Variants in CBLN2 observed in about 807,000 individuals in gnomAD.
The protein encoded by CBLN2 is cerebellin 2 precursor, also known as cerebellin-2.
A neutral mutation model predicts 15.0 loss-of-function variants in CBLN2; 7 were observed. The ratio of observed to expected loss-of-function variants is 0.47; its 90% CI spans 0.27 to 0.88. The LOEUF is 0.88. Among genes scored for constraint, CBLN2 ranks in the 40% least tolerant of loss-of-function variants. The pLI, the probability that CBLN2 is intolerant of heterozygous loss-of-function variation, is 0.14. For missense variants in CBLN2, 242 were observed against 304.5 expected, an observed-to-expected ratio of 0.79 and a Z score of 1.53; for synonymous variants, 149 against 135.2, an observed-to-expected ratio of 1.10 and a Z score of -0.71.
At chr18:72,610,039 C>A (rs547352545) in intron 1 of CBLN2, among the ~76,000 whole-genome samples, 1 of 152,308 alleles carries the variant, frequency 6.6e-6, no homozygotes, top group East Asian at 1.9e-4. Flanking sequence ...AGCTGGTTGT[C>A]AACCCAGGGC....
At chr18:72,596,795 C>A (rs1379325023) in intron 1 of CBLN2, among the ~76,000 whole-genome samples, 6 of 152,160 alleles carry the variant, frequency 3.9e-5, no homozygotes, top group Non-Finnish European at 7.4e-5. Context: ...AGATGTATTG[C>A]AGCTCCATTG....
intron 1 of CBLN2, among the ~76,000 whole-genome samples, chr18:72,624,334 A>G (rs186451378): frequency 2.0e-3 from 297 of 152,054 alleles, no homozygotes; most frequent in South Asian, 2.3e-3. Flanking sequence ...CTCTTCGTTG[A>G]GATGTTTCAC....
In CBLN2 at chr18:72,554,992, C is replaced by T. The variant is rs540735242; in HGVS notation, c.16-16220G>A. ...CTCTATTAAAAATACAAAAATTAGCCAGCATGGTGGCACGTGCCTGTAATC... is the reference window on the plus strand; with the variant it reads ...CTCTATTAAAAATACAAAAATTAGCTAGCATGGTGGCACGTGCCTGTAATC... On this transcript the variant is annotated intron_variant, in intron 1 of 2. Transcript: ENST00000581073. Among the ~76,000 whole-genome samples the T allele has an allele frequency of 1.4e-3, 217 of 152,034 alleles. 1 individual carries two copies. Among genetic ancestry groups the T allele is most frequent in the African/African-American group, 4.9e-3 (205 of 41,476 alleles).
chr18:72,610,520 A>G (rs1192886071), intron 1 of CBLN2, among the ~76,000 whole-genome samples: 1 of 152,058 alleles, frequency 6.6e-6, no homozygotes, highest in East Asian at 1.9e-4. Flanking sequence ...ATTTACCTCC[A>G]TTGGAATGTA....
chr18:72,553,405 A>G (rs1024571381), intron 1 of CBLN2, among the ~76,000 whole-genome samples: 33 of 152,272 alleles, frequency 2.2e-4, no homozygotes, highest in African/African-American at 7.9e-4. Context: ...ATAGCTCAGG[A>G]AAAATAGTAA....
In CBLN2 at chr18:72,544,334, C is replaced by T. The variant is rs2069142334; in HGVS notation, c.-569G>A. ...GGGTCTGTGTGTCTGCTCCTCTGGA[C>T]CTCGGACTGGTGGAGCGGCTGGCGC... On this transcript the variant is annotated 5_prime_UTR_variant, in exon 1 of 5. Coordinates refer to ENST00000269503, the MANE Select transcript of CBLN2 (RefSeq NM_182511.4). The T allele has an allele frequency of 6.6e-6, 1 of 152,224 alleles. No homozygotes were observed. Among genetic ancestry groups the T allele is most frequent in the African/African-American group, 2.4e-5 (1 of 41,464 alleles). The allele number at this position is 152,224 out of a possible 1,614,324, so 9.4% of individuals were successfully genotyped here.
chr18:72,597,701 T>C (rs1268329821), intron 1 of CBLN2, among the ~76,000 whole-genome samples: 1 of 152,138 alleles, frequency 6.6e-6, no homozygotes, highest in Admixed American at 6.5e-5. Flanking sequence ...TCAGAAACCT[T>C]TGGGATCTAC....
chr18:72,581,707 C>T lies in CBLN2; in HGVS notation c.16-42935G>A, dbSNP rs1016624411. On this transcript the variant is annotated intron_variant, in intron 1 of 2. Coordinates refer to the CBLN2 transcript ENST00000581073. ...CTCTTTAATGTCGAATTTTGGTTTA[C>T]ATTTAGAGATGTTACATTTAATGCC... Among the ~76,000 whole-genome samples the T allele has an allele frequency of 3.3e-5, 5 of 152,290 alleles. No homozygotes were observed. The East Asian group carries it at 7.7e-4, about 24-fold the overall frequency.
upstream of CBLN2, among the ~76,000 whole-genome samples, chr18:72,546,591 T>G (rs553190811): frequency 6.6e-6 from 1 of 152,370 alleles, no homozygotes; most frequent in East Asian, 1.9e-4. Context: ...TCCATGTTAA[T>G]AATTGTTGCT....
chr18:72,604,918 G>A (rs974498237), intron 1 of CBLN2, among the ~76,000 whole-genome samples: 2 of 152,154 alleles, frequency 1.3e-5, no homozygotes, highest in Non-Finnish European at 2.9e-5. Flanking sequence ...TTTCAATCTG[G>A]CTAGACCAGG....
chr18:72,537,854 AC>A lies in CBLN2; in HGVS notation c.*321del, dbSNP rs1450189325. Reference sequence around the variant, plus strand: ...GTTGGGACGACAATACAACATACAAACAAAAGAGGTCCATGGTCCCAACAAT... The same window carrying A: ...GTTGGGACGACAATACAACATACAAAAAAAGAGGTCCATGGTCCCAACAAT... On this transcript the variant is annotated 3_prime_UTR_variant, in exon 5 of 5. Coordinates refer to ENST00000269503, the MANE Select transcript of CBLN2 (RefSeq NM_182511.4). 1.6e-5 allele frequency: 6 copies of A among 373,198 alleles called. No homozygotes were observed. The highest frequency in any genetic ancestry group is 5.2e-5 in the South Asian group (2 of 38,490). The allele number at this position is 373,198 out of a possible 1,614,324, so 23.1% of individuals were successfully genotyped here.
intron 1 of CBLN2, among the ~76,000 whole-genome samples, chr18:72,595,798 A>AT (rs996276167): frequency 2.6e-5 from 4 of 151,392 alleles, no homozygotes; most frequent in South Asian, 2.1e-4. Flanking sequence ...CTTTTCATAG[A>AT]TTTTGTCTTG....
At chr18:72,607,810 C>G (rs1423668282) in intron 1 of CBLN2, among the ~76,000 whole-genome samples, 1 of 152,062 alleles carries the variant, frequency 6.6e-6, no homozygotes, top group Admixed American at 6.6e-5. Flanking sequence ...GTAGTCTACA[C>G]CCCTAATCAG....
At chr18:72,558,602 C>A (rs1462329910) in intron 1 of CBLN2, among the ~76,000 whole-genome samples, 1 of 152,176 alleles carries the variant, frequency 6.6e-6, no homozygotes, top group Admixed American at 6.5e-5. Context: ...CTTCACTCCC[C>A]ATAAATTGTG....
At chr18:72,561,194 A>T (rs1008292043) in intron 1 of CBLN2, among the ~76,000 whole-genome samples, 2 of 151,156 alleles carry the variant, frequency 1.3e-5, no homozygotes, top group African/African-American at 2.4e-5. Flanking sequence ...AGTTAAAAAA[A>T]CAGTAAACTT....
intron 1 of CBLN2, among the ~76,000 whole-genome samples, chr18:72,613,701 A>T (rs964720187): frequency 1.1e-4 from 17 of 152,158 alleles, no homozygotes; most frequent in African/African-American, 3.9e-4. Context: ...GAATGCAGAA[A>T]ATCACCTATT....
At chr18:72,592,842 G>A (rs1379196773) in intron 1 of CBLN2, among the ~76,000 whole-genome samples, 2 of 151,942 alleles carry the variant, frequency 1.3e-5, no homozygotes, top group Non-Finnish European at 2.9e-5. Context: ...CTGTTCTATT[G>A]GTCTTTGTAC....
At chr18:72,619,679 A>T (rs954166313) in intron 1 of CBLN2, among the ~76,000 whole-genome samples, 24 of 152,312 alleles carry the variant, frequency 1.6e-4, no homozygotes, top group African/African-American at 5.5e-4. Context: ...ATTTATGAAA[A>T]CAAAGGTTTC....
chr18:72,543,108 GACCACGGGGATT>G lies in CBLN2; in HGVS notation c.-167+366_-167+377del, dbSNP rs1399666242. ...GGTTATTCTCCAGCTCTGGTTTCCA[GACCACGGGGATT>G]CTCTCTTTCTCAGCGGGGCGGCAGC... is the stretch of plus-strand genomic sequence containing the variant. On this transcript the variant is annotated intron_variant, in intron 2 of 4. Coordinates refer to ENST00000269503, the MANE Select transcript of CBLN2 (RefSeq NM_182511.4). This position sits in a 1 kb window ranked among gnomAD's most constrained non-coding sequence, Gnocchi z 6.8. 5.5e-6 allele frequency: 1 copy of G among 182,248 alleles called. No individual in the cohort carries two copies. Among genetic ancestry groups the G allele is most frequent in the East Asian group, 1.3e-4 (1 of 7,894 alleles). 11.3% of individuals were successfully genotyped at this position (182,248 alleles called of 1,614,324 possible). A position where few individuals can be genotyped will look rare whatever the true frequency, so the allele number is the denominator to read the frequency against.
Sources: allele counts gnomAD v4.1 joint callset (sites outside exome capture counted in the v4.1 genomes callset), GRCh38; gene constraint gnomAD v4.1.1; non-coding constraint Gnocchi (gnomAD v3.1); transcripts MANE v1.5; gene names NCBI Gene and HGNC (gene_info 2026-07-23, HGNC 2026-07-21).